ARHGEF38: variants seen among roughly 807,000 people sequenced by gnomAD.
ARHGEF38 encodes the protein Rho guanine nucleotide exchange factor 38.
A neutral mutation model predicts 79.9 loss-of-function variants in ARHGEF38; 79 were observed. That is an observed-to-expected ratio of 0.99 (90% CI 0.82 to 1.19). The LOEUF (loss-of-function observed/expected upper bound fraction) is 1.19, where lower values mean the gene tolerates loss of function less well. Among genes scored for constraint, ARHGEF38 ranks in the 50% most tolerant of loss-of-function variants. ARHGEF38 has a pLI of 0.00. For synonymous variants in ARHGEF38, 366 were observed against 328.3 expected (o/e 1.11, Z -1.24); for missense variants, 962 against 907.2 (o/e 1.06, Z -0.78).
At chr4:105,672,038 A>G (rs1730974059) in intron 13 of ARHGEF38, among the ~76,000 whole-genome samples, 1 of 152,134 alleles carries the variant, frequency 6.6e-6, no homozygotes. Flanking sequence ...TTGGGTCTCT[A>G]AAGATCATTC....
chr4:105,572,870 C>G (rs1432334024), intron 1 of ARHGEF38, among the ~76,000 whole-genome samples: 1 of 152,108 alleles, frequency 6.6e-6, no homozygotes, highest in East Asian at 1.9e-4. Flanking sequence ...ATTCCAATTC[C>G]AATTTCTCCA....
chr4:105,591,865 G>A (rs57776902), intron 2 of ARHGEF38, among the ~76,000 whole-genome samples: 249 of 152,272 alleles, frequency 1.6e-3, no homozygotes, highest in African/African-American at 5.7e-3. Context: ...ATTGATGGTC[G>A]TGATAAAAAT....
At chr4:105,579,266 T>C (rs1045667241) in intron 1 of ARHGEF38, among the ~76,000 whole-genome samples, 2 of 152,206 alleles carry the variant, frequency 1.3e-5, no homozygotes, top group Non-Finnish European at 2.9e-5. Context: ...TCCAATACTA[T>C]GATGAGTTAG....
At chr4:105,576,910 A>G (rs1163132523) in intron 1 of ARHGEF38, among the ~76,000 whole-genome samples, 1 of 152,104 alleles carries the variant, frequency 6.6e-6, no homozygotes, top group Non-Finnish European at 1.5e-5. Flanking sequence ...TATGTGATGT[A>G]TCGCACATAT....
Position 105,592,450 on chromosome 4 carries a change from C to T in ARHGEF38, c.384+3015C>T, listed in dbSNP as rs559399346. Among the ~76,000 whole-genome samples the T allele has an allele frequency of 3.9e-5, 6 of 152,146 alleles. No individual in the cohort carries two copies. In the South Asian group the frequency reaches 8.4e-4, roughly 21 times the overall value. On this transcript the variant is annotated intron_variant, in intron 2 of 13. Coordinates refer to ENST00000420470, the MANE Select transcript of ARHGEF38 (RefSeq NM_001242729.2). ...CGAGACCTCCAAACTATGGACATTACTACCATTTCTCTCTTCATCGGGCCC... is the reference window on the plus strand; with the variant it reads ...CGAGACCTCCAAACTATGGACATTATTACCATTTCTCTCTTCATCGGGCCC...
At chr4:105,582,385 T>A (rs1029661373) in intron 1 of ARHGEF38, among the ~76,000 whole-genome samples, 2 of 151,936 alleles carry the variant, frequency 1.3e-5, no homozygotes, top group African/African-American at 4.8e-5. Context: ...AGCCTATAAA[T>A]TTTCTGTAAG....
chr4:105,671,329 A>G (rs886679744), intron 13 of ARHGEF38, among the ~76,000 whole-genome samples: 10 of 152,194 alleles, frequency 6.6e-5, no homozygotes, highest in Admixed American at 5.2e-4. Flanking sequence ...AGTCTGTCCC[A>G]ATAAACTTAC....
chr4:105,592,460 T>A (rs13111631), intron 2 of ARHGEF38, among the ~76,000 whole-genome samples: 121,581 of 151,710 alleles, frequency 0.8, 50,698 homozygotes, highest in African/African-American at 0.96. Flanking sequence ...CTACCATTTC[T>A]CTCTTCATCG....
At chr4:105,643,065 C>T (rs548444819) in intron 5 of ARHGEF38, among the ~76,000 whole-genome samples, 174 of 151,352 alleles carry the variant, frequency 1.1e-3, no homozygotes, top group African/African-American at 4.0e-3. Flanking sequence ...AAGAAAATGT[C>T]CTTCATATTT....
chr4:105,616,366 A>C, intron 3 of ARHGEF38, among the ~76,000 whole-genome samples: 1 of 152,178 alleles, frequency 6.6e-6, no homozygotes, highest in East Asian at 1.9e-4. Context: ...TTCAGGCTTA[A>C]CAGGAAGCAA....
intron 2 of ARHGEF38, among the ~76,000 whole-genome samples, chr4:105,604,044 G>T (rs1560715390): frequency 6.6e-6 from 1 of 152,120 alleles, no homozygotes; most frequent in Non-Finnish European, 1.5e-5. Context: ...AAGAAAACAT[G>T]ATATGGACTA....
chr4:105,670,871 A>G (rs548837452), intron 13 of ARHGEF38, among the ~76,000 whole-genome samples: 1 of 152,268 alleles, frequency 6.6e-6, no homozygotes, highest in South Asian at 2.1e-4. Context: ...TCTTGTTCTT[A>G]CTTGGCTCTA....
chr4:105,561,463 TA>T lies in ARHGEF38; in HGVS notation c.196+8503del, dbSNP rs1725577330. 2.3e-5 allele frequency: 2 copies of T among 86,824 alleles called. 1 individual carries two copies. 5.4% of individuals were successfully genotyped at this position (86,824 alleles called of 1,614,324 possible). The stretch of plus-strand genomic sequence containing the variant: ...TAGAATAGAATGGAATAGAATAGAA[TA>T]GAATAGAATAGAATAGAATAGAATA... On this transcript the variant is annotated intron_variant, in intron 1 of 13. Coordinates refer to ENST00000420470, the MANE Select transcript of ARHGEF38 (RefSeq NM_001242729.2).
intron 3 of ARHGEF38, 45 bp from the exon 4 acceptor site, chr4:105,630,853 G>A: frequency 6.5e-7 from 1 of 1,542,178 alleles, no homozygotes; most frequent in Non-Finnish European, 8.8e-7. Flanking sequence ...TGAAGTGCCA[G>A]CTTTGTCTGA....
At position 105,659,318 on chromosome 4, in the gene ARHGEF38, A is replaced by G. The variant is rs1019421666; in HGVS notation, c.1498A>G (p.Arg500Gly). Reference sequence around the variant, plus strand: ...TCTATGCAGCTTCATTACCCTCCTTAGGGACCTGATGCTCGTGGCACAGCA... The same window carrying G: ...TCTATGCAGCTTCATTACCCTCCTTGGGGACCTGATGCTCGTGGCACAGCA... ...NCLCSFITLLRDLMLVAQQAY... is the reference protein window; with the variant it reads ...NCLCSFITLLGDLMLVAQQAY... Residue 500 changes from arginine (R) to glycine (G), a missense_variant, in exon 10 of 14, where the codon AGG becomes GGG. Coordinates refer to ENST00000420470, the MANE Select transcript of ARHGEF38 (RefSeq NM_001242729.2). 6.5e-7 allele frequency: 1 copy of G among 1,535,882 alleles called. No individual in the cohort carries two copies. Among genetic ancestry groups the G allele is most frequent in the Non-Finnish European group, 8.7e-7 (1 of 1,146,856 alleles).
At chr4:105,597,716 C>T (rs1727643955) in intron 2 of ARHGEF38, among the ~76,000 whole-genome samples, 1 of 152,092 alleles carries the variant, frequency 6.6e-6, no homozygotes, top group African/African-American at 2.4e-5. Context: ...TATGTTCTAC[C>T]CCACAACATC....
intron 1 of ARHGEF38, among the ~76,000 whole-genome samples, chr4:105,569,672 G>A (rs1027591913): frequency 6.6e-6 from 1 of 152,196 alleles, no homozygotes; most frequent in Non-Finnish European, 1.5e-5. Flanking sequence ...AGCCAGACTG[G>A]CTTAGGTTTG....
chr4:105,609,890 A>G (rs917370826), intron 2 of ARHGEF38, among the ~76,000 whole-genome samples: 28 of 152,274 alleles, frequency 1.8e-4, no homozygotes, highest in African/African-American at 5.8e-4. Context: ...TCATTCTACT[A>G]TAAAGACACA....
At position 105,606,716 on chromosome 4, in the gene ARHGEF38, T is replaced by A. The variant is rs114275146; in HGVS notation, c.385-6668T>A. On this transcript the variant is annotated intron_variant, in intron 2 of 13. Coordinates refer to ENST00000420470, the MANE Select transcript of ARHGEF38 (RefSeq NM_001242729.2). ...TTAAAAATGGTGCAATTGAGGAAAA[T>A]TACTGACATGAACAGATGTTCATGT... Among the ~76,000 whole-genome samples, 960 of 152,120 alleles carry A rather than the reference T, an allele frequency of 6.3e-3. 9 individuals are homozygous for A. Among genetic ancestry groups the A allele is most frequent in the African/African-American group, 0.022 (925 of 41,524 alleles).
Sources: gnomAD v4.1 joint callset for allele counts (sites outside exome capture counted in the v4.1 genomes callset) on GRCh38, gnomAD v4.1.1 for gene constraint, MANE v1.5 for transcripts, NCBI Gene and HGNC (gene_info 2026-07-23, HGNC 2026-07-21) for gene names.